Variants in KCNQ1 observed in about 807,000 individuals in gnomAD.
KCNQ1 encodes potassium voltage-gated channel subfamily Q member 1.
Under a neutral mutation model 72.4 loss-of-function variants are expected in KCNQ1, and 49 were observed. The ratio of observed to expected loss-of-function variants is 0.68; its 90% confidence interval spans 0.54 to 0.86. The LOEUF is 0.86. KCNQ1 is among the 40% of genes least tolerant of loss of function. The pLI, the probability that KCNQ1 is intolerant of heterozygous loss-of-function variation, is 0.00. For missense variants in KCNQ1, 790 were observed against 945.1 expected (o/e 0.84, Z 2.15); for synonymous variants, 450 against 412.6 (o/e 1.09, Z -1.10).
At chr11:2,467,768 C>T (rs1846372780) in intron 1 of KCNQ1, among the ~76,000 whole-genome samples, 1 of 152,218 alleles carries the variant, frequency 6.6e-6, no homozygotes, top group Non-Finnish European at 1.5e-5. Flanking sequence ...GCTGTGGGGA[C>T]CCCTTTGCTC....
rs557513932 is a variant in KCNQ1 at position 2,485,449 on chromosome 11, G to C, written c.386+39965G>C. Among the ~76,000 whole-genome samples, 134 of 143,284 alleles carry C rather than the reference G, an allele frequency of 9.4e-4. 1 individual carries two copies. The highest frequency in any genetic ancestry group is 1.6e-3 in the Non-Finnish European group (106 of 66,762). The allele number at this position is 143,284 out of a possible 152,430, so 94.0% of individuals were successfully genotyped here. ...CTCTCGCACAGATGAGAAAATACAC[G>C]TGTGTTTTCCTGTATCCCCTCTTTC... On this transcript the variant is annotated intron_variant, in intron 1 of 15. Coordinates refer to ENST00000155840, the MANE Select transcript of KCNQ1 (RefSeq NM_000218.3).
intron 11 of KCNQ1, chr11:2,684,150 C>T: frequency 2.5e-6 from 1 of 398,646 alleles, no homozygotes. Flanking sequence ...GAATGGGGTA[C>T]ACCAGAGGAC....
chr11:2,596,291 G>A (rs956860137), intron 10 of KCNQ1, among the ~76,000 whole-genome samples: 2 of 152,112 alleles, frequency 1.3e-5, no homozygotes, highest in Non-Finnish European at 2.9e-5. Context: ...TTCTTGATGT[G>A]TTAAATACAT....
intron 2 of KCNQ1, among the ~76,000 whole-genome samples, chr11:2,531,919 C>A (rs1464282744): frequency 6.6e-6 from 1 of 152,228 alleles, no homozygotes; most frequent in Non-Finnish European, 1.5e-5. Context: ...GCTACATTCC[C>A]CAAGGTGGTG....
At chr11:2,632,020 A>G in intron 10 of KCNQ1, 1 of 396,094 alleles carries the variant, frequency 2.5e-6, no homozygotes, top group Non-Finnish European at 4.4e-6. Flanking sequence ...ATCTCTACTA[A>G]AAATACAAAA....
At position 2,537,019 on chromosome 11, in the gene KCNQ1, A is replaced by G. The variant is rs1295315429; in HGVS notation, c.477+9001A>G. On this transcript the variant is annotated intron_variant, in intron 2 of 15. Transcript: ENST00000155840. The surrounding 1 kb of genome is among the most constrained non-coding windows in gnomAD (Gnocchi z 5.2). The stretch of plus-strand genomic sequence containing the variant: ...TATGTAAGGACACCAGTCTTACTGG[A>G]TTGGAGGCTACCCTACTCCACTGTG... 6.6e-6 allele frequency among the ~76,000 whole-genome samples: 1 copy of G among 151,870 alleles called. No individual in the cohort carries two copies. Among genetic ancestry groups the G allele is most frequent in the East Asian group, 1.9e-4 (1 of 5,184 alleles).
chr11:2,740,490 C>T (rs542435535), intron 11 of KCNQ1, among the ~76,000 whole-genome samples: 3 of 152,260 alleles, frequency 2.0e-5, no homozygotes, highest in South Asian at 4.2e-4. Context: ...ACAGCGCACG[C>T]GGGCTTTGAA....
Position 2,653,528 on chromosome 11 carries a change from C to G in KCNQ1, c.1394-8433C>G, listed in dbSNP as rs1364713845. The G allele has an allele frequency of 2.5e-6, 1 of 398,822 alleles. No homozygotes were observed. The highest frequency in any genetic ancestry group is 4.4e-5 in the Admixed American group (1 of 22,738). The allele number at this position is 398,822 out of a possible 1,614,324, so 24.7% of individuals were successfully genotyped here. ...AGATGATCTTGCTCACTTGCTCTCA[C>G]TCTCCCCTCTTGCACTCCCCTTCTC... On this transcript the variant is annotated intron_variant, in intron 10 of 15. Coordinates refer to ENST00000155840, the MANE Select transcript of KCNQ1 (RefSeq NM_000218.3). The surrounding 1 kb of genome is among the most constrained non-coding windows in gnomAD (Gnocchi z 5.3).
chr11:2,667,802 G>A, intron 11 of KCNQ1: 1 of 398,686 alleles, frequency 2.5e-6, no homozygotes, highest in South Asian at 1.3e-4. Context: ...GCTCACCTGG[G>A]CTACCCTGGT....
At chr11:2,535,184 G>T (rs189892364) in intron 2 of KCNQ1, among the ~76,000 whole-genome samples, 2 of 152,358 alleles carry the variant, frequency 1.3e-5, no homozygotes, top group Admixed American at 1.3e-4. Flanking sequence ...AGCCTGTTCA[G>T]GGTGAAAGGA....
chr11:2,802,063 G>A (rs903499801), intron 15 of KCNQ1, among the ~76,000 whole-genome samples: 3 of 152,230 alleles, frequency 2.0e-5, no homozygotes, highest in African/African-American at 4.8e-5. Context: ...GGAGCGGGGC[G>A]CGGTGGGCAC....
chr11:2,519,079 G>C (rs993066151), intron 1 of KCNQ1, among the ~76,000 whole-genome samples: 1 of 152,268 alleles, frequency 6.6e-6, no homozygotes, highest in Non-Finnish European at 1.5e-5. Context: ...ACAGGGTGCT[G>C]TGTGGGGGCC....
In KCNQ1 at chr11:2,647,520, G is replaced by A. The variant is rs565342797; in HGVS notation, c.1394-14441G>A. 313 of 398,574 alleles carry A rather than the reference G, an allele frequency of 7.9e-4. 1 individual carries two copies. The highest frequency in any genetic ancestry group is 1.5e-3 in the South Asian group (12 of 7,854). 24.7% of individuals were successfully genotyped at this position (398,574 alleles called of 1,614,324 possible). On this transcript the variant is annotated intron_variant, in intron 10 of 15. Coordinates refer to ENST00000155840, the MANE Select transcript of KCNQ1 (RefSeq NM_000218.3). This position sits in a 1 kb window ranked among gnomAD's most constrained non-coding sequence, Gnocchi z 4.0. Reference sequence around the variant, plus strand: ...CAAGATACTGCTTGCCTCACAGAATGAGTTAGGGAGAATTCCTTTCTCTTC... The same window carrying A: ...CAAGATACTGCTTGCCTCACAGAATAAGTTAGGGAGAATTCCTTTCTCTTC...
intron 10 of KCNQ1, chr11:2,629,490 T>G (rs76497132): frequency 5.0e-6 from 2 of 398,394 alleles, no homozygotes; most frequent in South Asian, 2.5e-4. Flanking sequence ...GTGGTCCACT[T>G]TGAGTTAATT....
Position 2,653,710 on chromosome 11 carries a change from C to A in KCNQ1, c.1394-8251C>A, listed in dbSNP as rs931391632. On this transcript the variant is annotated intron_variant, in intron 10 of 15. Transcript: ENST00000155840. This position sits in a 1 kb window ranked among gnomAD's most constrained non-coding sequence, Gnocchi z 5.3. ...GAAGCCCAGCAGAACGAGGTCATCT[C>A]TTCCAGGATTCCTGCCAGAATCTAA... 1.3e-5 allele frequency: 5 copies of A among 398,578 alleles called. No individual in the cohort carries two copies. Among genetic ancestry groups the A allele is most frequent in the African/African-American group, 4.1e-5 (2 of 48,652 alleles). The allele number at this position is 398,578 out of a possible 1,614,324, so 24.7% of individuals were successfully genotyped here.
chr11:2,848,321 C>A lies in KCNQ1; in HGVS notation c.*318C>A. On this transcript the variant is annotated 3_prime_UTR_variant, in exon 16 of 16. Coordinates refer to ENST00000155840, the MANE Select transcript of KCNQ1 (RefSeq NM_000218.3). ...CAGTGGCAGGGCACAGGGCCTGGCC[C>A]ATGTATGGCCAGGAAGTAGCACAGG... is the stretch of plus-strand genomic sequence containing the variant. 1.7e-6 allele frequency: 1 copy of A among 605,850 alleles called. No individual in the cohort carries two copies. The highest frequency in any genetic ancestry group is 3.1e-6 in the Non-Finnish European group (1 of 323,932). The allele number at this position is 605,850 out of a possible 1,614,324, so 37.5% of individuals were successfully genotyped here.
rs189162674 is a variant in KCNQ1 at position 2,658,396 on chromosome 11, T to C, written c.1394-3565T>C. ...TTTTTTGAGTTATAGTCCAATATTA[T>C]TTATTTTGTTGCTCAAATTGTTCAA... On this transcript the variant is annotated intron_variant, in intron 10 of 15. Coordinates refer to ENST00000155840, the MANE Select transcript of KCNQ1 (RefSeq NM_000218.3). This position sits in a 1 kb window ranked among gnomAD's most constrained non-coding sequence, Gnocchi z 4.9. 25 of 398,604 alleles carry C rather than the reference T, an allele frequency of 6.3e-5. No homozygotes were observed. Among genetic ancestry groups the C allele is most frequent in the African/African-American group, 4.7e-4 (23 of 48,744 alleles). The allele number at this position is 398,604 out of a possible 1,614,324, so 24.7% of individuals were successfully genotyped here.
At position 2,673,879 on chromosome 11, in the gene KCNQ1, G is replaced by A; in HGVS notation, c.1514+11798G>A. On this transcript the variant is annotated intron_variant, in intron 11 of 15. Coordinates refer to ENST00000155840, the MANE Select transcript of KCNQ1 (RefSeq NM_000218.3). The surrounding 1 kb of genome is among the most constrained non-coding windows in gnomAD (Gnocchi z 4.5). Reference sequence around the variant, plus strand: ...TATGAAGAGGGACTTCCTGAAAGCAGGCACAGGAAGGGATGGGAGCTCAGC... The same window carrying A: ...TATGAAGAGGGACTTCCTGAAAGCAAGCACAGGAAGGGATGGGAGCTCAGC... The A allele has an allele frequency of 5.0e-6, 2 of 398,646 alleles. No homozygotes were observed. The highest frequency in any genetic ancestry group is 4.4e-6 in the Non-Finnish European group (1 of 226,156). 24.7% of individuals were successfully genotyped at this position (398,646 alleles called of 1,614,324 possible).
intron 10 of KCNQ1, chr11:2,643,443 C>A (rs1355426938): frequency 2.5e-6 from 1 of 398,088 alleles, no homozygotes; most frequent in East Asian, 3.6e-5. Context: ...TTAGCTTAAC[C>A]TTTGTTTTAT....
Sources: gnomAD v4.1 joint callset for allele counts (sites outside exome capture counted in the v4.1 genomes callset) on GRCh38, gnomAD v4.1.1 for gene constraint, Gnocchi (gnomAD v3.1) non-coding constraint, MANE v1.5 for transcripts, NCBI Gene and HGNC (gene_info 2026-07-23, HGNC 2026-07-21) for gene names.